Variants in PCSK1 observed in about 807,000 individuals in gnomAD.
PCSK1 encodes the protein proprotein convertase subtilisin/kexin type 1.
In PCSK1, 56 loss-of-function variants were observed where a neutral mutation model predicts 90.6. That is an observed-to-expected ratio of 0.62 (90% CI 0.50 to 0.77). PCSK1 has a LOEUF of 0.77. PCSK1 is among the 30% of genes least tolerant of loss of function. The pLI is 0.00. For synonymous variants in PCSK1, 348 were observed against 342.4 expected, an observed-to-expected ratio of 1.02 and a Z score of -0.18; for missense variants, 801 against 932.6, an observed-to-expected ratio of 0.86 and a Z score of 1.84.
chr5:96,406,102 C>A (rs865800651), intron 9 of PCSK1, among the ~76,000 whole-genome samples: 1 of 152,242 alleles, frequency 6.6e-6, no homozygotes, highest in South Asian at 2.1e-4. Context: ...CCTATGCAGG[C>A]TGACATTTTC....
Position 96,429,215 on chromosome 5 carries a change from G to GATC in PCSK1, c.280_282dup (p.Asp94dup). 6.8e-7 allele frequency: 1 copy of GATC among 1,478,040 alleles called. No individual in the cohort carries two copies. The highest frequency in any genetic ancestry group is 9.5e-7 in the Non-Finnish European group (1 of 1,056,226). 91.6% of individuals were successfully genotyped at this position (1,478,040 alleles called of 1,614,324 possible). A position where few individuals can be genotyped will look rare whatever the true frequency, so the allele number is the denominator to read the frequency against. On this transcript the variant is annotated inframe_insertion, in exon 2 of 14. Coordinates refer to ENST00000311106, the MANE Select transcript of PCSK1 (RefSeq NM_000439.5). Reference sequence around the variant, plus strand: ...GAAGACAAATGTACAACACTTACACGATCATCATCAGATAATCTCTTAGTG... The same window carrying GATC: ...GAAGACAAATGTACAACACTTACACGATCATCATCATCAGATAATCTCTTAGTG...
Position 96,398,967 on chromosome 5 carries a change from A to G in PCSK1, c.1500T>C (p.Ala500=). The change falls in exon 11 of 14, where the codon GCT becomes GCC. Residue 500 remains alanine, a synonymous_variant. Coordinates refer to ENST00000311106, the MANE Select transcript of PCSK1 (RefSeq NM_000439.5). ...ATTGTACATGCTCCAGGGACTTGAT[A>G]GCATTTTCTTGTCCTTCACAAGCTC... The part of the protein sequence containing the change: ...PTRACEGQEN[A]IKSLEHVQFE... The G allele has an allele frequency of 1.2e-6, 2 of 1,612,834 alleles. No homozygotes were observed. The highest frequency in any genetic ancestry group is 1.7e-6 in the Non-Finnish European group (2 of 1,178,860).
chr5:96,402,959 A>G (rs572940579), intron 9 of PCSK1, among the ~76,000 whole-genome samples: 2 of 152,266 alleles, frequency 1.3e-5, no homozygotes, highest in South Asian at 4.2e-4. Context: ...AGTCTTTTAA[A>G]AGGAGTTTTA....
In PCSK1 at chr5:96,412,320, G is replaced by T. The variant is rs1215257100; in HGVS notation, c.880C>A (p.Gln294Lys). 2 of 1,613,854 alleles carry T rather than the reference G, an allele frequency of 1.2e-6. No individual in the cohort carries two copies. The highest frequency in any genetic ancestry group is 2.2e-5 in the East Asian group (1 of 44,888). ...TGGGTCTGTGTAAAGCATCTTACCT[G>T]TTTGACACCATATTCAAAAGCCTTC... ...AQKAFEYGVK[Q>K]GRQGKGSIFV... Residue 294 changes from glutamine to lysine, a missense_variant and splice_region_variant, in exon 7 of 14, where the codon CAG (glutamine) becomes AAG (lysine). By Grantham distance (53) the Gln-to-Lys change is moderately conservative. Coordinates refer to ENST00000311106, the MANE Select transcript of PCSK1 (RefSeq NM_000439.5).
At position 96,410,813 on chromosome 5, in the gene PCSK1, G is replaced by A; in HGVS notation, c.1056C>T (p.Ala352=). The A allele has an allele frequency of 5.6e-6, 9 of 1,614,088 alleles. No individual in the cohort carries two copies. Among genetic ancestry groups the A allele is most frequent in the Non-Finnish European group, 7.6e-6 (9 of 1,179,946 alleles). Residue 352 remains alanine, a synonymous_variant, in exon 8 of 14, where the codon GCC becomes GCT. Transcript: ENST00000311106. ...WYAEKCSSTL[A]TSYSSGDYTD... is the part of the protein sequence containing the mutation. ...TGTAATCTCCGCTGCTGTAAGAGGTGGCCAGTGTGGAGGAGCACTTCTCAG... is the reference window on the plus strand; with the variant it reads ...TGTAATCTCCGCTGCTGTAAGAGGTAGCCAGTGTGGAGGAGCACTTCTCAG...
chr5:96,394,781 C>T, intron 13 of PCSK1, 83 bp downstream of exon 13: 1 of 1,286,284 alleles, frequency 7.8e-7, no homozygotes, highest in Non-Finnish European at 1.1e-6. Flanking sequence ...TTATTTCCTG[C>T]TTGGAAGTTG....
intron 5 of PCSK1, among the ~76,000 whole-genome samples, chr5:96,417,069 T>C (rs1760959275): frequency 6.6e-6 from 1 of 152,124 alleles, no homozygotes; most frequent in South Asian, 2.1e-4. Context: ...TATACCAACA[T>C]AGAGTGAAAG....
chr5:96,432,145 G>T, intron 1 of PCSK1: 3 of 1,535,178 alleles, frequency 2.0e-6, no homozygotes, highest in Non-Finnish European at 2.6e-6. Flanking sequence ...TCTCGACCCT[G>T]CAGTGGGACT....
At chr5:96,420,497 T>G (rs1498929) in intron 5 of PCSK1, among the ~76,000 whole-genome samples, 3,802 of 152,228 alleles carry the variant, frequency 0.025, 168 homozygotes, top group African/African-American at 0.087. Flanking sequence ...GGTTAACCCC[T>G]TTAGTCACCC....
At position 96,400,099 on chromosome 5, in the gene PCSK1, C is replaced by A. The variant is rs759552679; in HGVS notation, c.1284G>T (p.Lys428Asn). Residue 428 changes from lysine (K) to asparagine (N), a missense_variant, in exon 10 of 14, where the codon AAG (lysine) becomes AAT (asparagine). Lys to Asn is a moderately conservative substitution (Grantham distance 94). Transcript: ENST00000311106. Reference sequence around the variant, plus strand: ...TATTCACCATCAAGCCTGCTCCATTCTTTTTCCATCCAGGGTTATTGGCCA... The same window carrying A: ...TATTCACCATCAAGCCTGCTCCATTATTTTTCCATCCAGGGTTATTGGCCA... Reference protein sequence around the residue: ...DPLANNPGWKKNGAGLMVNSR... With the variant: ...DPLANNPGWKNNGAGLMVNSR... 1 of 1,614,052 alleles carries A rather than the reference C, an allele frequency of 6.2e-7. No individual in the cohort carries two copies. Among genetic ancestry groups the A allele is most frequent in the African/African-American group, 1.3e-5 (1 of 74,932 alleles).
chr5:96,416,572 C>T (rs1303535542), intron 5 of PCSK1, among the ~76,000 whole-genome samples: 1 of 152,150 alleles, frequency 6.6e-6, no homozygotes, highest in African/African-American at 2.4e-5. Flanking sequence ...CTAGTGACTG[C>T]CTTGGATTAG....
chr5:96,397,784 T>A (rs892788367), intron 11 of PCSK1, among the ~76,000 whole-genome samples: 3 of 151,528 alleles, frequency 2.0e-5, no homozygotes, highest in Admixed American at 6.6e-5. Context: ...CGAACTACAT[T>A]TACAAATTGA....
intron 6 of PCSK1, among the ~76,000 whole-genome samples, chr5:96,412,752 G>GTTTTTTTTTTGTTGTTTTTT (rs566921725): frequency 2.8e-5 from 2 of 71,832 alleles, no homozygotes; most frequent in African/African-American, 1.8e-4. Flanking sequence ...CAGCTGTGAT[G>GTTTTTTTTTTGTTGTTTTTT]TTTTTTTTTT....
At chr5:96,400,273 A>G in intron 9 of PCSK1, 87 bp from the exon 10 acceptor site, 2 of 884,608 alleles carry the variant, frequency 2.3e-6, no homozygotes, top group Non-Finnish European at 1.9e-6. Context: ...ATCTCCATTC[A>G]GGGATTATGA....
intron 3 of PCSK1, among the ~76,000 whole-genome samples, chr5:96,424,211 A>T (rs1013400261): frequency 6.6e-6 from 1 of 152,156 alleles, no homozygotes; most frequent in Non-Finnish European, 1.5e-5. Context: ...AATAACCACA[A>T]TCAAAAGTGT....
intron 9 of PCSK1, among the ~76,000 whole-genome samples, chr5:96,402,511 C>T (rs1274696193): frequency 6.6e-6 from 1 of 152,074 alleles, no homozygotes; most frequent in Admixed American, 6.5e-5. Context: ...TCTCCACTCC[C>T]GTACTCTCTT....
chr5:96,395,113 T>G lies in PCSK1; in HGVS notation c.1723-88A>C. On this transcript the variant is annotated intron_variant, in intron 12 of 13. Coordinates refer to ENST00000311106, the MANE Select transcript of PCSK1 (RefSeq NM_000439.5). ...AAATAGCTAAAAAGGATTTCATTGT[T>G]AAAATCTCATTTTAAGATTCTGTGC... 6 of 1,054,632 alleles carry G rather than the reference T, an allele frequency of 5.7e-6. No homozygotes were observed. In the South Asian group the frequency reaches 7.7e-5, roughly 14 times the overall value. The allele number at this position is 1,054,632 out of a possible 1,614,324, so 65.3% of individuals were successfully genotyped here. A position where few individuals can be genotyped will look rare whatever the true frequency, so the allele number is the denominator to read the frequency against.
intron 5 of PCSK1, among the ~76,000 whole-genome samples, chr5:96,421,044 T>C (rs1261524243): frequency 6.6e-6 from 1 of 152,226 alleles, no homozygotes; most frequent in African/African-American, 2.4e-5. Flanking sequence ...CCTTGATGTC[T>C]GTGAGAACAT....
chr5:96,412,253 T>C (rs1677193066), intron 7 of PCSK1, 65 bp downstream of exon 7: 1 of 1,328,968 alleles, frequency 7.5e-7, no homozygotes, highest in Non-Finnish European at 1.1e-6. Context: ...CTAAGTGTTC[T>C]TTCCTTCTCC....
Sources: gnomAD v4.1 joint callset for allele counts (sites outside exome capture counted in the v4.1 genomes callset) on GRCh38, gnomAD v4.1.1 for gene constraint, MANE v1.5 for transcripts, NCBI Gene and HGNC (gene_info 2026-07-23, HGNC 2026-07-21) for gene names.